MCCC2: variants seen among roughly 807,000 people sequenced by gnomAD.
The protein encoded by MCCC2 is methylcrotonoyl-CoA carboxylase beta chain, mitochondrial.
A neutral mutation model predicts 77.2 loss-of-function variants in MCCC2; 52 were observed. That is an observed-to-expected ratio of 0.67 (90% confidence interval 0.54 to 0.85). The LOEUF (loss-of-function observed/expected upper bound fraction) is 0.85, where lower values mean the gene tolerates loss of function less well. MCCC2 is among the 40% of genes least tolerant of loss of function. MCCC2 has a pLI of 0.00. For missense variants in MCCC2, 682 were observed against 703.2 expected (o/e 0.97, Z 0.34); for synonymous variants, 253 against 248.4 (o/e 1.02, Z -0.18).
At chr5:71,621,141 A>G (rs1490920461) in intron 6 of MCCC2, among the ~76,000 whole-genome samples, 2 of 152,100 alleles carry the variant, frequency 1.3e-5, no homozygotes. Context: ...ATGCTTTGGG[A>G]CATGGCAAGT....
Position 71,640,986 on chromosome 5 carries a change from G to A in MCCC2, c.1000-17G>A, listed in dbSNP as rs774924853. 4 of 1,611,054 alleles carry A rather than the reference G, an allele frequency of 2.5e-6. No homozygotes were observed. The Admixed American group carries it at 6.7e-5, about 27-fold the overall frequency. ...TGCAATATAATTTCTCAAGGCCATT[G>A]TTGTTTTTCCTCTTAGGTCATTGCT... On this transcript the variant is annotated splice_polypyrimidine_tract_variant and intron_variant, in intron 10 of 16. Coordinates refer to ENST00000340941, the MANE Select transcript of MCCC2 (RefSeq NM_022132.5).
chr5:71,643,717 C>G, intron 11 of MCCC2, 102 bp from the exon 12 acceptor site: 1 of 1,608,376 alleles, frequency 6.2e-7, no homozygotes, highest in Non-Finnish European at 8.5e-7. Flanking sequence ...GCATTTTAAA[C>G]TTGGATCTGA....
chr5:71,596,479 ATG>A (rs1745193854), intron 3 of MCCC2, 115 bp downstream of exon 3: 1 of 972,678 alleles, frequency 1.0e-6, no homozygotes, highest in East Asian at 2.4e-5. Flanking sequence ...ATTCAGGAAC[ATG>A]TGTTTATTGA....
At chr5:71,611,892 T>C (rs551689356) in intron 6 of MCCC2, among the ~76,000 whole-genome samples, 39 of 151,712 alleles carry the variant, frequency 2.6e-4, no homozygotes, top group Admixed American at 3.9e-4. Flanking sequence ...GGGTTCACGC[T>C]ATTCTCCTGC....
intron 10 of MCCC2, chr5:71,635,647 C>T: frequency 2.9e-6 from 1 of 345,888 alleles, no homozygotes; most frequent in Non-Finnish European, 5.6e-6. Context: ...CCTTTTAGAT[C>T]AATATGACAT....
chr5:71,598,754 C>T (rs1425846173), intron 3 of MCCC2, among the ~76,000 whole-genome samples: 2 of 149,746 alleles, frequency 1.3e-5, no homozygotes, highest in Non-Finnish European at 3.0e-5. Flanking sequence ...CCGTGCCTGG[C>T]CATTAGTTGT....
At chr5:71,616,022 G>A (rs1455857779) in intron 6 of MCCC2, among the ~76,000 whole-genome samples, 2 of 152,174 alleles carry the variant, frequency 1.3e-5, no homozygotes, top group Non-Finnish European at 2.9e-5. Context: ...CCATGCCTCT[G>A]TGATGAAGCC....
intron 13 of MCCC2, among the ~76,000 whole-genome samples, chr5:71,647,213 C>G (rs1747295320): frequency 2.0e-5 from 3 of 152,196 alleles, no homozygotes; most frequent in African/African-American, 4.8e-5. Context: ...AGGAGAGGCT[C>G]TTAGTACTTG....
intron 11 of MCCC2, chr5:71,641,378 C>T (rs553555469): frequency 7.5e-5 from 26 of 347,934 alleles, no homozygotes; most frequent in South Asian, 7.2e-4. Flanking sequence ...ACTTGTAGTT[C>T]TTTTTGTTTT....
At position 71,649,112 on chromosome 5, in the gene MCCC2, G is replaced by A; in HGVS notation, c.1232G>A (p.Arg411Lys). ...TTTCTCTCAGGATTTATGGTTGGTA[G>A]AGAGTATGAAGCTGAAGGAATTGCC... ...LQNITGFMVG[R>K]EYEAEGIAKD... Residue 411 changes from arginine (R) to lysine (K), a missense_variant, in exon 14 of 17, where the codon AGA (arginine) becomes AAA (lysine). Physicochemically the swap from Arg to Lys is conservative, Grantham distance 26. Coordinates refer to ENST00000340941, the MANE Select transcript of MCCC2 (RefSeq NM_022132.5). The A allele has an allele frequency of 6.2e-7, 1 of 1,614,238 alleles. No individual in the cohort carries two copies. Among genetic ancestry groups the A allele is most frequent in the South Asian group, 1.1e-5 (1 of 91,080 alleles).
intron 13 of MCCC2, among the ~76,000 whole-genome samples, chr5:71,648,283 C>T (rs1420154735): frequency 2.6e-5 from 4 of 152,098 alleles, no homozygotes; most frequent in Non-Finnish European, 2.9e-5. Context: ...TGGAGACTTG[C>T]GGGGTAAGGA....
Position 71,587,548 on chromosome 5 carries a change from C to G in MCCC2, c.123C>G (p.Leu41=). 1 of 1,537,268 alleles carries G rather than the reference C, an allele frequency of 6.5e-7. No individual in the cohort carries two copies. The highest frequency in any genetic ancestry group is 8.7e-7 in the Non-Finnish European group (1 of 1,145,744). ...LGTQPDLGSA[L]YQENYKQMKA... The stretch of plus-strand genomic sequence containing the variant: ...CCCAGCCGGACTTGGGCTCTGCCCT[C>G]TACCAGGTAGGCTGAGCGCCCCGGT... Residue 41 remains leucine, a synonymous_variant, in exon 1 of 17, where the codon CTC becomes CTG. Coordinates refer to ENST00000340941, the MANE Select transcript of MCCC2 (RefSeq NM_022132.5).
intron 1 of MCCC2, among the ~76,000 whole-genome samples, chr5:71,592,488 G>A (rs1561816763): frequency 6.6e-6 from 1 of 152,186 alleles, no homozygotes; most frequent in Non-Finnish European, 1.5e-5. Flanking sequence ...TGGAATCTCA[G>A]ATAGTGACTG....
At chr5:71,636,244 C>A in intron 10 of MCCC2, 1 of 206,200 alleles carries the variant, frequency 4.8e-6, no homozygotes, top group Non-Finnish European at 1.1e-5. Context: ...TAGGCAATAC[C>A]CCAGCATTGC....
chr5:71,625,652 T>C (rs1174980058), intron 6 of MCCC2, among the ~76,000 whole-genome samples: 3 of 152,238 alleles, frequency 2.0e-5, no homozygotes, highest in Admixed American at 2.0e-4. Context: ...CTGTAAGTGA[T>C]AATCACTTCT....
intron 2 of MCCC2, among the ~76,000 whole-genome samples, chr5:71,594,900 T>C (rs1039889464): frequency 2.4e-4 from 35 of 147,698 alleles, no homozygotes; most frequent in African/African-American, 6.9e-4. Context: ...GTCTCTCTCT[T>C]TTTTTTTTTT....
intron 10 of MCCC2, among the ~76,000 whole-genome samples, chr5:71,638,099 T>G (rs557216131): frequency 1.5e-4 from 23 of 152,368 alleles, no homozygotes; most frequent in African/African-American, 5.5e-4. Flanking sequence ...ATATCCGTAA[T>G]TGTCATTTCA....
At chr5:71,599,425 G>T (rs1360486992) in intron 3 of MCCC2, among the ~76,000 whole-genome samples, 2 of 152,056 alleles carry the variant, frequency 1.3e-5, no homozygotes, top group Admixed American at 6.6e-5. Flanking sequence ...TGTCCTGGCT[G>T]GCCTCCAACT....
At position 71,640,889 on chromosome 5, in the gene MCCC2, T is replaced by C. The variant is rs1310526322; in HGVS notation, c.1000-114T>C. ...TTCTAGTGAGATTTTCTGTGTAGTGTGAAATTTTGTGAAAGTGACAACTTC... is the reference window on the plus strand; with the variant it reads ...TTCTAGTGAGATTTTCTGTGTAGTGCGAAATTTTGTGAAAGTGACAACTTC... On this transcript the variant is annotated intron_variant, in intron 10 of 16. Coordinates refer to ENST00000340941, the MANE Select transcript of MCCC2 (RefSeq NM_022132.5). 3.5e-6 allele frequency: 3 copies of C among 863,680 alleles called. No homozygotes were observed. The African/African-American group carries it at 5.0e-5, about 14-fold the overall frequency. The allele number at this position is 863,680 out of a possible 1,614,324, so 53.5% of individuals were successfully genotyped here. A position where few individuals can be genotyped will look rare whatever the true frequency, so the allele number is the denominator to read the frequency against.
Sources: allele counts gnomAD v4.1 joint callset (sites outside exome capture counted in the v4.1 genomes callset), GRCh38; gene constraint gnomAD v4.1.1; transcripts MANE v1.5; gene names NCBI Gene and HGNC (gene_info 2026-07-23, HGNC 2026-07-21).